Variants in CALCR observed in about 807,000 individuals in gnomAD.
CALCR encodes calcitonin receptor.
In CALCR, 47 loss-of-function variants were observed where a neutral mutation model predicts 59.5. That is an observed-to-expected ratio of 0.79 (90% confidence interval 0.63 to 1.01). CALCR has a LOEUF of 1.01. CALCR is among the 50% of genes least tolerant of loss of function. The pLI is 0.00. For synonymous variants in CALCR, 213 were observed against 211.3 expected (o/e 1.01, Z -0.07); for missense variants, 566 against 597.1 (o/e 0.95, Z 0.54).
intron 2 of CALCR, among the ~76,000 whole-genome samples, chr7:93,572,186 G>A (rs1790019373): frequency 6.6e-6 from 1 of 151,824 alleles, no homozygotes; most frequent in African/African-American, 2.4e-5. Context: ...GTAAGATCAA[G>A]TTATACATAT....
intron 2 of CALCR, among the ~76,000 whole-genome samples, chr7:93,543,057 G>T (rs1051931178): frequency 1.3e-5 from 2 of 151,732 alleles, no homozygotes; most frequent in South Asian, 2.1e-4. Context: ...TTCATTTATT[G>T]TTACATATTA....
At position 93,468,823 on chromosome 7, in the gene CALCR, T is replaced by TAAACAAACAAAC. The variant is rs3835011; in HGVS notation, c.430-29_430-18dup. On this transcript the variant is annotated splice_polypyrimidine_tract_variant and intron_variant, in intron 6 of 13. Transcript: ENST00000426151. ...ATATGCATTCTGGAACAACAAAAAG[T>TAAACAAACAAAC]AAACAAACAAACAATGAATGAATGA... 0.4 allele frequency: 479,419 copies of TAAACAAACAAAC among 1,207,888 alleles called. 110,003 individuals are homozygous for TAAACAAACAAAC. Among genetic ancestry groups the TAAACAAACAAAC allele is most frequent in the Middle Eastern group, 0.52 (2,676 of 5,138 alleles). The allele number at this position is 1,207,888 out of a possible 1,614,324, so 74.8% of individuals were successfully genotyped here. A position where few individuals can be genotyped will look rare whatever the true frequency, so the allele number is the denominator to read the frequency against.
chr7:93,432,870 G>A (rs900591851), intron 13 of CALCR, among the ~76,000 whole-genome samples: 2 of 152,124 alleles, frequency 1.3e-5, no homozygotes, highest in African/African-American at 4.8e-5. Context: ...GGTGACTTAC[G>A]CCCTACTCAT....
At chr7:93,541,410 GC>G (rs1283173195) in intron 2 of CALCR, among the ~76,000 whole-genome samples, 1 of 151,994 alleles carries the variant, frequency 6.6e-6, no homozygotes, top group Non-Finnish European at 1.5e-5. Context: ...TGATCCGCCT[GC>G]CTCGGCCTCC....
chr7:93,517,911 G>A (rs1801681763), intron 2 of CALCR, among the ~76,000 whole-genome samples: 1 of 151,846 alleles, frequency 6.6e-6, no homozygotes, highest in African/African-American at 2.4e-5. Flanking sequence ...TATAGGGAAA[G>A]GTGACATTTT....
chr7:93,536,109 C>T (rs1205350584), intron 2 of CALCR, among the ~76,000 whole-genome samples: 1 of 151,752 alleles, frequency 6.6e-6, no homozygotes, highest in African/African-American at 2.4e-5. Flanking sequence ...AGTAACTTAA[C>T]TGGTGAAGCT....
chr7:93,555,357 T>C (rs2116244931), intron 2 of CALCR, among the ~76,000 whole-genome samples: 1 of 152,188 alleles, frequency 6.6e-6, no homozygotes, highest in East Asian at 1.9e-4. Flanking sequence ...GCACTATGGA[T>C]GTGCTAGAAA....
chr7:93,491,999 C>T (rs778350096), intron 2 of CALCR, among the ~76,000 whole-genome samples: 3 of 151,888 alleles, frequency 2.0e-5, no homozygotes, highest in Non-Finnish European at 4.4e-5. Context: ...ATGGAACCAA[C>T]CCAAATGCCC....
chr7:93,523,343 A>G (rs1358401237), intron 2 of CALCR, among the ~76,000 whole-genome samples: 1 of 152,202 alleles, frequency 6.6e-6, no homozygotes, highest in African/African-American at 2.4e-5. Context: ...GGTGCTTAAT[A>G]AAAGTCTTGA....
intron 2 of CALCR, among the ~76,000 whole-genome samples, chr7:93,487,948 C>A (rs1339664664): frequency 2.2e-5 from 3 of 136,446 alleles, no homozygotes; most frequent in Admixed American, 2.2e-4. Context: ...CCCCAAGACA[C>A]ATAATCATCA....
intron 2 of CALCR, among the ~76,000 whole-genome samples, chr7:93,517,591 A>G (rs1801676703): frequency 6.6e-6 from 1 of 151,922 alleles, no homozygotes; most frequent in Non-Finnish European, 1.5e-5. Context: ...CAGGTGAACT[A>G]TATGGAAAGA....
intron 2 of CALCR, among the ~76,000 whole-genome samples, chr7:93,515,226 C>A (rs1801625470): frequency 6.6e-6 from 1 of 151,964 alleles, no homozygotes; most frequent in Non-Finnish European, 1.5e-5. Flanking sequence ...AAATTTCTAA[C>A]ATATGAATTC....
At chr7:93,479,309 G>A (rs1720438829) in intron 4 of CALCR, 45 bp downstream of exon 4, 2 of 1,527,282 alleles carry the variant, frequency 1.3e-6, no homozygotes, top group African/African-American at 1.4e-5. Flanking sequence ...GAAAATGTCT[G>A]TAATGGTGTT....
At chr7:93,538,929 G>C (rs1029872097) in intron 2 of CALCR, among the ~76,000 whole-genome samples, 2 of 151,940 alleles carry the variant, frequency 1.3e-5, no homozygotes, top group Non-Finnish European at 2.9e-5. Flanking sequence ...TGATATATGG[G>C]GATGGTATTA....
chr7:93,522,276 TG>T (rs1280503051), intron 2 of CALCR, among the ~76,000 whole-genome samples: 1 of 152,192 alleles, frequency 6.6e-6, no homozygotes, highest in Non-Finnish European at 1.5e-5. Context: ...TTTATCAATT[TG>T]TAAGACATTT....
chr7:93,564,253 G>A (rs149979914), intron 2 of CALCR, among the ~76,000 whole-genome samples: 20 of 152,088 alleles, frequency 1.3e-4, no homozygotes, highest in Non-Finnish European at 2.1e-4. Flanking sequence ...GAATGTGTGG[G>A]GGGGGACAGA....
intron 2 of CALCR, among the ~76,000 whole-genome samples, chr7:93,525,452 T>C (rs1174905057): frequency 6.6e-6 from 1 of 152,162 alleles, no homozygotes; most frequent in Admixed American, 6.6e-5. Flanking sequence ...ATCCCATCAA[T>C]GGCAGAGAAT....
intron 2 of CALCR, among the ~76,000 whole-genome samples, chr7:93,537,682 T>G (rs1405502189): frequency 6.6e-6 from 1 of 151,720 alleles, no homozygotes; most frequent in Non-Finnish European, 1.5e-5. Flanking sequence ...TTTTACAAAC[T>G]TCCTATCCTT....
chr7:93,426,474 C>CCAGCCTCCGCAG lies in CALCR; in HGVS notation c.1295_1306dup (p.Ala432_Ala435dup), dbSNP rs1451098740. ...ATGGCAGATGTAAATTGGGATGTCG[C>CCAGCCTCCGCAG]CAGCCTCCGCAGCAGCGGCTGCAGC... is the stretch of plus-strand genomic sequence containing the variant. On this transcript the variant is annotated inframe_insertion, in exon 14 of 14. Coordinates refer to ENST00000426151, the MANE Select transcript of CALCR (RefSeq NM_001742.4). 1 of 1,613,674 alleles carries CCAGCCTCCGCAG rather than the reference C, an allele frequency of 6.2e-7. No homozygotes were observed. The highest frequency in any genetic ancestry group is 1.3e-5 in the African/African-American group (1 of 74,914).
Sources: allele counts gnomAD v4.1 joint callset (sites outside exome capture counted in the v4.1 genomes callset), GRCh38; gene constraint gnomAD v4.1.1; transcripts MANE v1.5; gene names NCBI Gene and HGNC (gene_info 2026-07-23, HGNC 2026-07-21).